Variants in SRSF10 observed in about 807,000 individuals in gnomAD.
SRSF10 encodes the protein serine/arginine-rich splicing factor 10.
Under a neutral mutation model 32.6 loss-of-function variants are expected in SRSF10, and 9 were observed. That is an observed-to-expected ratio of 0.28 (90% confidence interval 0.17 to 0.48). The LOEUF is 0.48. SRSF10 is among the 20% of genes least tolerant of loss of function. The pLI is 0.99. For missense variants in SRSF10, 201 were observed against 331.8 expected, an observed-to-expected ratio of 0.61 and a Z score of 3.06; for synonymous variants, 105 against 112.4, an observed-to-expected ratio of 0.93 and a Z score of 0.42.
intron 2 of SRSF10, chr1:23,975,379 GT>G (rs1642026145): frequency 3.8e-6 from 1 of 262,236 alleles, no homozygotes; most frequent in Non-Finnish European, 7.1e-6. Context: ...ATTTTCCTAA[GT>G]TTTAAGAATT....
chr1:23,975,128 G>C, intron 2 of SRSF10, 51 bp from the exon 3 acceptor site: 1 of 1,396,786 alleles, frequency 7.2e-7, no homozygotes, highest in Non-Finnish European at 1.0e-6. Context: ...GATAATGAAT[G>C]AAAGTTCAGT....
intron 3 of SRSF10, among the ~76,000 whole-genome samples, chr1:23,972,408 A>C (rs1641813546): frequency 1.3e-5 from 2 of 150,366 alleles, no homozygotes; most frequent in Admixed American, 1.3e-4. Flanking sequence ...CCAAAAAAAA[A>C]AAGTGTGTAT....
At chr1:23,979,074 T>TTTTTTTAATTTTAA in intron 1 of SRSF10, 1 of 197,376 alleles carries the variant, frequency 5.1e-6, no homozygotes, top group Non-Finnish European at 1.0e-5. Context: ...TTTTTTTTTT[T>TTTTTTTAATTTTAA]ACTTTTACAG....
chr1:23,978,391 T>C, intron 2 of SRSF10: 1 of 819,116 alleles, frequency 1.2e-6, no homozygotes, highest in Non-Finnish European at 1.5e-6. Context: ...TACCAAATTT[T>C]AATTGCTAAG....
At chr1:23,976,571 C>T (rs1257534354) in intron 2 of SRSF10, 1 of 152,076 alleles carries the variant, frequency 6.6e-6, no homozygotes, top group Admixed American at 6.6e-5. Flanking sequence ...CCCCAAGAGA[C>T]AGAATATAAT....
rs1641465721 is a variant in SRSF10 at position 23,966,667 on chromosome 1, T to C, written c.*4475A>G. ...CAAAGTTAAATACTTATTTTGGGGGTTATATCCTAGCATGTGTTTGGTGAG... is the reference window on the plus strand; with the variant it reads ...CAAAGTTAAATACTTATTTTGGGGGCTATATCCTAGCATGTGTTTGGTGAG... On this transcript the variant is annotated 3_prime_UTR_variant, in exon 6 of 6. Coordinates refer to ENST00000492112, the MANE Select transcript of SRSF10 (RefSeq NM_054016.4). The C allele has an allele frequency of 6.6e-6, 1 of 152,038 alleles. No individual in the cohort carries two copies. The highest frequency in any genetic ancestry group is 1.5e-5 in the Non-Finnish European group (1 of 67,896). 9.4% of individuals were successfully genotyped at this position (152,038 alleles called of 1,614,324 possible).
chr1:23,972,211 C>A (rs1641800361), intron 3 of SRSF10, among the ~76,000 whole-genome samples, 199 bp from the exon 4 acceptor site: 1 of 151,990 alleles, frequency 6.6e-6, no homozygotes, highest in Non-Finnish European at 1.5e-5. Context: ...GAGTTTGAGA[C>A]CAGCCTGGGG....
chr1:23,977,920 G>A (rs1421744002), intron 2 of SRSF10: 3 of 982,680 alleles, frequency 3.1e-6, no homozygotes, highest in Non-Finnish European at 3.6e-6. Context: ...CATCAGGTAT[G>A]ACTCCTTTAA....
At chr1:23,976,859 C>G (rs201285434) in intron 2 of SRSF10, 1 of 152,170 alleles carries the variant, frequency 6.6e-6, no homozygotes, top group African/African-American at 2.4e-5. Flanking sequence ...TTACTTATTT[C>G]TTTTCAACTA....
At position 23,964,731 on chromosome 1, in the gene SRSF10, C is replaced by G. The variant is rs1325913835; in HGVS notation, c.*6411G>C. 6.6e-6 allele frequency: 1 copy of G among 151,922 alleles called. No homozygotes were observed. Among genetic ancestry groups the G allele is most frequent in the African/African-American group, 2.4e-5 (1 of 41,400 alleles). The allele number at this position is 151,922 out of a possible 1,614,324, so 9.4% of individuals were successfully genotyped here. A position where few individuals can be genotyped will look rare whatever the true frequency, so the allele number is the denominator to read the frequency against. Reference sequence around the variant, plus strand: ...GGGACAGAGTGCATCTCTAAAACCTCTTACACAAATTAGGAAAAAGTTGTA... The same window carrying G: ...GGGACAGAGTGCATCTCTAAAACCTGTTACACAAATTAGGAAAAAGTTGTA... On this transcript the variant is annotated 3_prime_UTR_variant, in exon 6 of 6. Transcript: ENST00000492112.
rs1641413916 is a variant in SRSF10, at chr1:23,965,615, G to A, written c.*5527C>T. ...TTTGAAAAGCACATGGTTCGGCACA[G>A]TAAGTGCTCAATAATATTGACAGCA... On this transcript the variant is annotated 3_prime_UTR_variant, in exon 6 of 6. Coordinates refer to ENST00000492112, the MANE Select transcript of SRSF10 (RefSeq NM_054016.4). 1 of 151,952 alleles carries A rather than the reference G, an allele frequency of 6.6e-6. No homozygotes were observed. Among genetic ancestry groups the A allele is most frequent in the African/African-American group, 2.4e-5 (1 of 41,428 alleles). The allele number at this position is 151,952 out of a possible 1,614,324, so 9.4% of individuals were successfully genotyped here. A position where few individuals can be genotyped will look rare whatever the true frequency, so the allele number is the denominator to read the frequency against.
intron 2 of SRSF10, chr1:23,977,811 A>G (rs1642182839): frequency 1.3e-6 from 1 of 789,726 alleles, no homozygotes; most frequent in African/African-American, 1.9e-5. Flanking sequence ...AAATCAAGTT[A>G]CAGGTTTTGT....
chr1:23,968,010 G>A lies in SRSF10; in HGVS notation c.*3132C>T, dbSNP rs965006747. The stretch of plus-strand genomic sequence containing the variant: ...GATCTTAAGTAAAAGGAGAGGTGAA[G>A]TGTGTCAGCCCTCATTTGAGTGTTG... On this transcript the variant is annotated 3_prime_UTR_variant, in exon 6 of 6. Coordinates refer to ENST00000492112, the MANE Select transcript of SRSF10 (RefSeq NM_054016.4). The A allele has an allele frequency of 5.2e-6, 8 of 1,535,508 alleles. No individual in the cohort carries two copies. Among genetic ancestry groups the A allele is most frequent in the Non-Finnish European group, 7.0e-6 (8 of 1,145,608 alleles).
chr1:23,971,668 A>C (rs1177603422), intron 4 of SRSF10, 42 bp from the exon 5 acceptor site: 2 of 1,591,026 alleles, frequency 1.3e-6, no homozygotes, highest in Non-Finnish European at 1.7e-6. Context: ...ATATCTATTC[A>C]TAGAGGCAAA....
At chr1:23,978,981 T>C (rs1642245638) in intron 1 of SRSF10, 164 bp from the exon 2 acceptor site, 2 of 364,824 alleles carry the variant, frequency 5.5e-6, no homozygotes, top group South Asian at 1.7e-4. Flanking sequence ...TACAAGGGAA[T>C]GACCACAACT....
intron 2 of SRSF10, chr1:23,975,797 A>C (rs1642050836): frequency 6.6e-6 from 1 of 152,244 alleles, no homozygotes; most frequent in African/African-American, 2.4e-5. Flanking sequence ...GGACTCCTAG[A>C]CTGGAAAGCC....
At chr1:23,973,795 A>G (rs1161629593) in intron 3 of SRSF10, among the ~76,000 whole-genome samples, 1 of 152,232 alleles carries the variant, frequency 6.6e-6, no homozygotes, top group African/African-American at 2.4e-5. Context: ...GACCCTAAGT[A>G]GAATAATAAG....
intron 3 of SRSF10, among the ~76,000 whole-genome samples, chr1:23,974,273 A>T (rs1641949580): frequency 6.6e-6 from 1 of 152,048 alleles, no homozygotes; most frequent in Non-Finnish European, 1.5e-5. Context: ...CGGTTATTTT[A>T]ATCTCTTAAT....
chr1:23,977,369 T>G (rs1020448956), intron 2 of SRSF10: 3 of 152,234 alleles, frequency 2.0e-5, no homozygotes, highest in Non-Finnish European at 2.9e-5. Context: ...TAGGTACCTA[T>G]ACCAGGGAGA....
Sources: gnomAD v4.1 joint callset for allele counts (sites outside exome capture counted in the v4.1 genomes callset) on GRCh38, gnomAD v4.1.1 for gene constraint, MANE v1.5 for transcripts, NCBI Gene and HGNC (gene_info 2026-07-23, HGNC 2026-07-21) for gene names.